Variants in MARCHF11 observed in about 807,000 individuals in gnomAD.
The protein encoded by MARCHF11 is E3 ubiquitin-protein ligase MARCHF11.
A neutral mutation model predicts 37.3 loss-of-function variants in MARCHF11; 29 were observed. That is an observed-to-expected ratio of 0.78 (90% CI 0.58 to 1.06). The LOEUF (loss-of-function observed/expected upper bound fraction) is 1.06. MARCHF11 is among the 50% of genes least tolerant of loss of function. The pLI is 0.00. For missense variants in MARCHF11, 482 were observed against 533.4 expected (o/e 0.90, Z 0.95); for synonymous variants, 233 against 228.0 (o/e 1.02, Z -0.20).
At chr5:16,128,587 C>T (rs1560983307) in intron 2 of MARCHF11, among the ~76,000 whole-genome samples, 1 of 152,192 alleles carries the variant, frequency 6.6e-6, no homozygotes, top group Admixed American at 6.5e-5. Context: ...TAACGTTCTT[C>T]ATTACCACTT....
At chr5:16,079,783 G>T (rs1452986504) in intron 3 of MARCHF11, among the ~76,000 whole-genome samples, 1 of 152,130 alleles carries the variant, frequency 6.6e-6, no homozygotes, top group Non-Finnish European at 1.5e-5. Context: ...GGCATCTTTT[G>T]AAAGGAGGCC....
chr5:16,139,282 T>G (rs980275490), intron 2 of MARCHF11, among the ~76,000 whole-genome samples: 6 of 152,158 alleles, frequency 3.9e-5, no homozygotes, highest in Non-Finnish European at 1.5e-5. Flanking sequence ...TCTGATGGTT[T>G]TATAAATGGG....
At chr5:16,168,403 G>C (rs958097523) in intron 2 of MARCHF11, among the ~76,000 whole-genome samples, 1 of 152,024 alleles carries the variant, frequency 6.6e-6, no homozygotes, top group African/African-American at 2.4e-5. Context: ...TAATCTTGTT[G>C]GCTTCGCATG....
chr5:16,179,459 C>T lies in MARCHF11; in HGVS notation c.117G>A (p.Pro39=), dbSNP rs898904042. 4 of 1,120,950 alleles carry T rather than the reference C, an allele frequency of 3.6e-6. No homozygotes were observed. The African/African-American group carries it at 6.7e-5, about 19-fold the overall frequency. The allele number at this position is 1,120,950 out of a possible 1,614,324, so 69.4% of individuals were successfully genotyped here. ...AGCGCGGGGCCGCGGGGACCGGGGC[C>T]GGCTCTCCCGGCGGCGGCGTCGGCG... ...PPPPTPPPGE[P]APVPAAPRYL... Residue 39 remains proline (P), a synonymous_variant, in exon 1 of 4, where the codon CCG becomes CCA. Coordinates refer to ENST00000332432, the MANE Select transcript of MARCHF11 (RefSeq NM_001102562.3).
chr5:16,142,232 C>T (rs1168224049), intron 2 of MARCHF11, among the ~76,000 whole-genome samples: 1 of 152,160 alleles, frequency 6.6e-6, no homozygotes, highest in African/African-American at 2.4e-5. Context: ...AGAGGCAAGC[C>T]ATTTCCAAGT....
At chr5:16,091,301 C>T (rs1214810791) in intron 2 of MARCHF11, among the ~76,000 whole-genome samples, 1 of 152,138 alleles carries the variant, frequency 6.6e-6, no homozygotes, top group Non-Finnish European at 1.5e-5. Context: ...ATTCACCATT[C>T]TGTAAGTTTA....
intron 2 of MARCHF11, among the ~76,000 whole-genome samples, chr5:16,149,678 G>GA (rs1737858362): frequency 6.6e-6 from 1 of 152,062 alleles, no homozygotes; most frequent in South Asian, 2.1e-4. Flanking sequence ...TTTGACCAGT[G>GA]AAATGTCAGC....
intron 2 of MARCHF11, among the ~76,000 whole-genome samples, chr5:16,122,895 C>A (rs1300099344): frequency 6.6e-6 from 1 of 152,218 alleles, no homozygotes; most frequent in African/African-American, 2.4e-5. Context: ...AGGAGCCACA[C>A]TTTGCTAAGC....
At chr5:16,142,199 G>A (rs1737717525) in intron 2 of MARCHF11, among the ~76,000 whole-genome samples, 1 of 152,160 alleles carries the variant, frequency 6.6e-6, no homozygotes, top group Non-Finnish European at 1.5e-5. Context: ...AAAATCGGGG[G>A]AAGGTTGCAC....
chr5:16,150,541 G>A (rs3910977), intron 2 of MARCHF11, among the ~76,000 whole-genome samples: 4,178 of 149,304 alleles, frequency 0.028, 696 homozygotes, highest in African/African-American at 0.1. Flanking sequence ...CTGTTAGTGA[G>A]TTGGAGGTGG....
At chr5:16,133,190 A>G (rs1737548461) in intron 2 of MARCHF11, among the ~76,000 whole-genome samples, 2 of 152,160 alleles carry the variant, frequency 1.3e-5, no homozygotes, top group African/African-American at 4.8e-5. Context: ...CCCACTAAGA[A>G]GTAGAGTGTA....
intron 2 of MARCHF11, among the ~76,000 whole-genome samples, chr5:16,174,542 C>T (rs1456858901): frequency 6.6e-6 from 1 of 152,234 alleles, no homozygotes. Flanking sequence ...TCCTCACACA[C>T]ACCTGCTTCC....
intron 2 of MARCHF11, among the ~76,000 whole-genome samples, chr5:16,129,455 T>A (rs543109386): frequency 6.6e-6 from 1 of 152,324 alleles, no homozygotes; most frequent in South Asian, 2.1e-4. Context: ...AAACCATTTT[T>A]AAAATAATCA....
At chr5:16,073,927 CCAA>C (rs1458023623) in intron 3 of MARCHF11, among the ~76,000 whole-genome samples, 2 of 152,146 alleles carry the variant, frequency 1.3e-5, no homozygotes, top group African/African-American at 4.8e-5. Flanking sequence ...AACATTCTAC[CCAA>C]CAACTGCAGA....
chr5:16,164,935 C>T (rs923101431), intron 2 of MARCHF11, among the ~76,000 whole-genome samples: 4 of 152,036 alleles, frequency 2.6e-5, no homozygotes, highest in East Asian at 1.9e-4. Context: ...ATTATTATTA[C>T]TATGTTATTT....
intron 1 of MARCHF11, 99 bp downstream of exon 1, chr5:16,178,940 C>G (rs560024548): frequency 7.6e-7 from 1 of 1,313,176 alleles, no homozygotes; most frequent in Non-Finnish European, 9.7e-7. Flanking sequence ...TCACTGGAGG[C>G]AAACTGGGAG....
intron 3 of MARCHF11, among the ~76,000 whole-genome samples, chr5:16,090,501 A>C (rs1736773252): frequency 6.6e-6 from 1 of 152,054 alleles, no homozygotes; most frequent in Non-Finnish European, 1.5e-5. Context: ...CCCCAAACGC[A>C]CAATACAGTA....
At chr5:16,168,330 CA>C (rs1445572978) in intron 2 of MARCHF11, among the ~76,000 whole-genome samples, 2 of 152,094 alleles carry the variant, frequency 1.3e-5, no homozygotes, top group Admixed American at 6.6e-5. Flanking sequence ...AAGCGTCTTT[CA>C]CCCCATAGCT....
In MARCHF11 at chr5:16,090,963, G is replaced by A; in HGVS notation, c.812C>T (p.Ala271Val). Residue 271 changes from alanine to valine, a missense_variant, in exon 3 of 4, where the codon GCA becomes GTA. Physicochemically the swap from Ala to Val is moderately conservative, Grantham distance 64. Transcript: ENST00000332432. ...AAGGATGTCCTTCCTCTGCCACACT[G>A]CATAGGGGCTGAAGGCTGACCAGAG... ...WLLWSAFSPY[A>V]VWQRKDILFQ... 6.2e-7 allele frequency: 1 copy of A among 1,611,816 alleles called. No homozygotes were observed. Among genetic ancestry groups the A allele is most frequent in the Non-Finnish European group, 8.5e-7 (1 of 1,179,498 alleles).
Sources: gnomAD v4.1 joint callset for allele counts (sites outside exome capture counted in the v4.1 genomes callset) on GRCh38, gnomAD v4.1.1 for gene constraint, MANE v1.5 for transcripts, NCBI Gene and HGNC (gene_info 2026-07-23, HGNC 2026-07-21) for gene names.